The following KPRP variants were observed in gnomAD, a reference collection of about 807,000 sequenced individuals.
KPRP encodes keratinocyte proline-rich protein.
For missense variants in KPRP, 820 were observed against 746.4 expected (o/e 1.10, Z -1.15); for synonymous variants, 282 against 276.9 (o/e 1.02, Z -0.18).
exon 1 of KPRP, chr1:152,759,860 C>T: frequency 6.2e-7 from 1 of 1,614,052 alleles, no homozygotes; most frequent in Non-Finnish European, 8.5e-7. Flanking sequence ...CAGTCTAAGA[C>T]CACCCAGGTG....
Position 152,760,066 on chromosome 1 carries a change from C to T in KPRP, c.478C>T (p.Gln160Ter), listed in dbSNP as rs373463742. The change falls in exon 1 of 1, where the codon CAG (glutamine) becomes TAG (stop). Residue 160 changes from glutamine (Q) to a stop codon, truncating the protein, a stop_gained. Coordinates refer to ENST00000606109, the Ensembl canonical transcript of KPRP. LOFTEE classifies it low-confidence loss of function (END_TRUNC). The stretch of plus-strand genomic sequence containing the variant: ...GAACTATGTACCCTGTCCAGCTCCT[C>T]AGCCTGTCCAGATGTATAGAGGGCG... 3 of 1,614,110 alleles carry T rather than the reference C, an allele frequency of 1.9e-6. No homozygotes were observed. Among genetic ancestry groups the T allele is most frequent in the African/African-American group, 2.7e-5 (2 of 74,940 alleles).
exon 1 of KPRP, chr1:152,759,790 C>G: frequency 1.2e-6 from 2 of 1,614,006 alleles, no homozygotes; most frequent in Non-Finnish European, 1.7e-6. Flanking sequence ...ATGCCAGTCT[C>G]AGACCACACA....
In KPRP at chr1:152,759,927, C is replaced by T. The variant is rs751837891; in HGVS notation, c.339C>T (p.Cys113=). ...CCTCTGTTCAAAGCCAGGCTCCATG[C>T]CAATCTGAGGTGTCCTACGTGCAGT... Residue 113 remains cysteine, a synonymous_variant, in exon 1 of 1, where the codon TGC becomes TGT. Transcript: ENST00000606109. 2.5e-6 allele frequency: 4 copies of T among 1,614,098 alleles called. No homozygotes were observed. In the African/African-American group the frequency reaches 4.0e-5, roughly 16 times the overall value.
chr1:152,759,347 G>A (rs1651033026), upstream of KPRP, among the ~76,000 whole-genome samples: 1 of 152,194 alleles, frequency 6.6e-6, no homozygotes. Flanking sequence ...TCCACCCCCA[G>A]GGAGATCCTG....
exon 1 of KPRP, chr1:152,760,969 C>T (rs772331086): frequency 3.1e-6 from 5 of 1,612,112 alleles, no homozygotes; most frequent in African/African-American, 2.7e-5. Context: ...TCCAGAGCCA[C>T]GTCCATGCCT....
chr1:152,760,276 TG>T lies in KPRP; in HGVS notation c.689del (p.Cys230LeufsTer56). 4.3e-6 allele frequency: 7 copies of T among 1,614,176 alleles called. No individual in the cohort carries two copies. Among genetic ancestry groups the T allele is most frequent in the Non-Finnish European group, 5.9e-6 (7 of 1,180,030 alleles). ...TCGGTCCCGGACTTCATTTAGTCCC[TG>T]TGTGCCCCAGTGCCAGACCCAGGGC... On this transcript the variant is annotated frameshift_variant, in exon 1 of 1. Transcript: ENST00000606109. LOFTEE classifies it low-confidence loss of function (END_TRUNC).
Position 152,761,550 on chromosome 1 carries a change from C to T in KPRP, c.*222C>T, listed in dbSNP as rs541828526. 3.7e-5 allele frequency: 27 copies of T among 738,416 alleles called. No homozygotes were observed. In the East Asian group the frequency reaches 4.5e-4, roughly 12 times the overall value. The allele number at this position is 738,416 out of a possible 1,614,324, so 45.7% of individuals were successfully genotyped here. On this transcript the variant is annotated 3_prime_UTR_variant, in exon 1 of 1. Transcript: ENST00000606109. Reference sequence around the variant, plus strand: ...GTCACTCCTCGCCCGTACGCATCCTCGGCTCTAGCCAGACCAGTCTGGCCA... The same window carrying T: ...GTCACTCCTCGCCCGTACGCATCCTTGGCTCTAGCCAGACCAGTCTGGCCA...
chr1:152,758,320 A>G (rs190002713), upstream of KPRP, among the ~76,000 whole-genome samples: 44 of 152,326 alleles, frequency 2.9e-4, no homozygotes, highest in Admixed American at 1.1e-3. Context: ...ATTTTCCCTC[A>G]TGATCTTTCT....
Position 152,761,180 on chromosome 1 carries a change from G to T in KPRP, c.1592G>T (p.Gly531Val). The T allele has an allele frequency of 6.2e-7, 1 of 1,614,170 alleles. No homozygotes were observed. The highest frequency in any genetic ancestry group is 8.5e-7 in the Non-Finnish European group (1 of 1,180,020). The change falls in exon 1 of 1, where the codon GGC becomes GTC. Residue 531 changes from glycine to valine, a missense_variant. Gly to Val is a moderately radical substitution (Grantham distance 109, BLOSUM62 -3). Coordinates refer to ENST00000606109, the Ensembl canonical transcript of KPRP. ...CTAGACACCGAAGCTCCCTACTGTG[G>T]CCCATCCAGTTACAACCAGGGGCAA...
exon 1 of KPRP, chr1:152,761,329 A>C: frequency 1.2e-6 from 2 of 1,611,044 alleles, no homozygotes; most frequent in Non-Finnish European, 1.7e-6. Flanking sequence ...TTATTTTTAA[A>C]GGAAAGGTGA....
At chr1:152,760,291 C>G in exon 1 of KPRP, 1 of 1,614,176 alleles carries the variant, frequency 6.2e-7, no homozygotes, top group Non-Finnish European at 8.5e-7. Context: ...GCCCCAGTGC[C>G]AGACCCAGGG....
exon 1 of KPRP, chr1:152,759,780 A>ACAGGTGAAG: frequency 1.2e-6 from 2 of 1,614,124 alleles, no homozygotes; most frequent in South Asian, 2.2e-5. Context: ...ACCAGGCTCC[A>ACAGGTGAAG]TGCCAGTCTC....
upstream of KPRP, among the ~76,000 whole-genome samples, chr1:152,758,075 G>A (rs1386081648): frequency 6.6e-6 from 1 of 152,210 alleles, no homozygotes; most frequent in African/African-American, 2.4e-5. Context: ...TCTAGGAACT[G>A]GATCCTGGGA....
Position 152,760,502 on chromosome 1 carries a change from AT to A in KPRP, c.915del (p.Tyr305Ter), listed in dbSNP as rs1651084354. 1 of 1,613,264 alleles carries A rather than the reference AT, an allele frequency of 6.2e-7. No homozygotes were observed. Among genetic ancestry groups the A allele is most frequent in the Admixed American group, 1.7e-5 (1 of 60,004 alleles). On this transcript the variant is annotated frameshift_variant, in exon 1 of 1. Transcript: ENST00000606109. LOFTEE classifies it low-confidence loss of function (END_TRUNC). ...CCACCCCGCCGCTCTGAACCCATAT[AT>A]AACAGTCGCTGTCCTCGCCGCCCCA...
chr1:152,759,528 T>C, upstream of KPRP: 1 of 1,557,860 alleles, frequency 6.4e-7, no homozygotes, highest in African/African-American at 1.4e-5. Context: ...TCTCCAACTC[T>C]CACCCTCCTG....
At chr1:152,759,421 G>C (rs563335269), upstream of KPRP, 30 of 1,184,520 alleles carry the variant, frequency 2.5e-5, no homozygotes, top group Non-Finnish European at 3.4e-5. Flanking sequence ...ATTAATCCTG[G>C]GTCGAACTAA....
exon 1 of KPRP, chr1:152,760,827 C>T (rs1336141810): frequency 6.2e-7 from 1 of 1,614,152 alleles, no homozygotes; most frequent in Admixed American, 1.7e-5. Context: ...CAGAACCATG[C>T]ATAAGTCTAG....
Position 152,759,985 on chromosome 1 carries a change from G to A in KPRP, c.397G>A (p.Val133Ile), listed in dbSNP as rs142569486. The A allele has an allele frequency of 1.1e-4, 179 of 1,614,170 alleles. 3 individuals carry two copies. Among genetic ancestry groups the A allele is most frequent in the Middle Eastern group, 3.3e-4 (2 of 6,062 alleles). The change falls in exon 1 of 1, where the codon GTA becomes ATA. Residue 133 changes from valine to isoleucine, a missense_variant. Physicochemically the swap from Val to Ile is conservative, Grantham distance 29 (BLOSUM62 3). Transcript: ENST00000606109. ...GTCACAACCTGTTCAGACTTGCTTC[G>A]TAGAATGTGCTCCAGTTTGTTATAC...
chr1:152,760,054 T>G (rs768209961), exon 1 of KPRP: 1 of 1,614,208 alleles, frequency 6.2e-7, no homozygotes, highest in South Asian at 1.1e-5. Context: ...CTATGTACCC[T>G]GTCCAGCTCC....
Sources: gnomAD v4.1 joint callset for allele counts (sites outside exome capture counted in the v4.1 genomes callset) on GRCh38, gnomAD v4.1.1 for gene constraint, MANE v1.5 for transcripts, NCBI Gene and HGNC (gene_info 2026-07-23, HGNC 2026-07-21) for gene names.